The following COL4A2 variants were observed in gnomAD, a reference collection of about 807,000 sequenced individuals.
The protein encoded by COL4A2 is collagen alpha-2(IV) chain.
COL4A2 carries 99 observed loss-of-function variants against 200.2 expected under a neutral mutation model. The ratio of observed to expected loss-of-function variants is 0.49; its 90% confidence interval spans 0.42 to 0.58. COL4A2 has a LOEUF of 0.58. Ranked by LOEUF, COL4A2 falls within the 20% of genes least tolerant of loss-of-function variation. COL4A2 has a pLI of 0.00. For synonymous variants in COL4A2, 897 were observed against 900.6 expected (o/e 1.00, Z 0.07); for missense variants, 1,950 against 2,314.1 (o/e 0.84, Z 3.23).
intron 16 of COL4A2, among the ~76,000 whole-genome samples, chr13:110,442,087 CAAAAAAAAAAA>C (rs10530153): frequency 4.8e-4 from 23 of 47,628 alleles, no homozygotes; most frequent in African/African-American, 5.6e-4. Flanking sequence ...CTCTCTGTCT[CAAAAAAAAAAA>C]AAAAAAAAAA....
intron 7 of COL4A2, among the ~76,000 whole-genome samples, chr13:110,428,830 C>A (rs1433489167): frequency 6.6e-6 from 1 of 152,210 alleles, no homozygotes; most frequent in Non-Finnish European, 1.5e-5. Flanking sequence ...ACTTCATTTT[C>A]TCCCAAATTC....
intron 8 of COL4A2, 164 bp from the exon 9 acceptor site, chr13:110,430,237 C>G: frequency 2.4e-6 from 2 of 835,088 alleles, no homozygotes; most frequent in Non-Finnish European, 3.4e-6. Context: ...TATATTCTGA[C>G]TAAATAACAA....
chr13:110,315,767 G>A (rs541181988), intron 3 of COL4A2, among the ~76,000 whole-genome samples: 22 of 152,260 alleles, frequency 1.4e-4, no homozygotes, highest in Middle Eastern at 3.4e-3. Context: ...CAAGTTCAGG[G>A]CATCTTGCAT....
chr13:110,424,593 T>C lies in COL4A2; in HGVS notation c.181-141T>C, dbSNP rs4771678. The C allele has an allele frequency of 0.72, 372,060 of 514,626 alleles. 135,668 individuals carry two copies. The highest frequency in any genetic ancestry group is 0.83 in the East Asian group (28,519 of 34,512). 31.9% of individuals were successfully genotyped at this position (514,626 alleles called of 1,614,324 possible). On this transcript the variant is annotated intron_variant, in intron 4 of 47. Coordinates refer to ENST00000360467, the MANE Select transcript of COL4A2 (RefSeq NM_001846.4). The stretch of plus-strand genomic sequence containing the variant: ...TTTTGTTAGCTATCATGGCAGTAGA[T>C]GATAGTTTACATATAATGTTCCCTG...
At chr13:110,438,810 C>CCCCCCCACA (rs372770020) in intron 15 of COL4A2, 142 bp downstream of exon 15, 3 of 617,356 alleles carry the variant, frequency 4.9e-6, no homozygotes, top group African/African-American at 2.2e-5. Flanking sequence ...CCACCCCCCC[C>CCCCCCCACA]CACACACACA....
intron 3 of COL4A2, among the ~76,000 whole-genome samples, chr13:110,315,467 C>G (rs1227989460): frequency 6.6e-6 from 1 of 152,200 alleles, no homozygotes; most frequent in East Asian, 1.9e-4. Flanking sequence ...GTGATCTTGG[C>G]TCCCTGCAAC....
chr13:110,493,721 A>C (rs955590480), intron 39 of COL4A2, among the ~76,000 whole-genome samples: 1 of 152,098 alleles, frequency 6.6e-6, no homozygotes, highest in African/African-American at 2.4e-5. Flanking sequence ...AGACAGTGAT[A>C]GCGCTTGGGC....
chr13:110,437,031 C>T (rs1342638237), intron 13 of COL4A2, among the ~76,000 whole-genome samples: 10 of 152,172 alleles, frequency 6.6e-5, no homozygotes, highest in African/African-American at 1.9e-4. Flanking sequence ...AGTACCATGT[C>T]GGGCACGCAG....
intron 4 of COL4A2, among the ~76,000 whole-genome samples, chr13:110,377,478 G>A (rs778999465): frequency 2.0e-5 from 3 of 152,124 alleles, no homozygotes; most frequent in Non-Finnish European, 2.9e-5. Flanking sequence ...CCAGGACCCC[G>A]CACATCCCTG....
At chr13:110,357,346 C>G in intron 3 of COL4A2, 126 bp from the exon 4 acceptor site, 1 of 1,380,082 alleles carries the variant, frequency 7.2e-7, no homozygotes, top group East Asian at 2.6e-5. Flanking sequence ...TTAAAAAAGC[C>G]TTATTGAATG....
intron 27 of COL4A2, among the ~76,000 whole-genome samples, chr13:110,467,918 T>C (rs1276887841): frequency 6.6e-6 from 1 of 152,244 alleles, no homozygotes; most frequent in Admixed American, 6.5e-5. Flanking sequence ...GGGAAGCATG[T>C]CACTTGGGTA....
At chr13:110,399,575 G>A (rs577187204) in intron 4 of COL4A2, among the ~76,000 whole-genome samples, 7 of 152,274 alleles carry the variant, frequency 4.6e-5, no homozygotes, top group African/African-American at 1.7e-4. Flanking sequence ...CTGAGCCTAG[G>A]TCCTGTGAAA....
intron 27 of COL4A2, among the ~76,000 whole-genome samples, chr13:110,468,583 G>A (rs2139507400): frequency 6.6e-6 from 1 of 152,204 alleles, no homozygotes; most frequent in South Asian, 2.1e-4. Context: ...CCCCTTGCTG[G>A]CCTCCCATCC....
chr13:110,400,361 G>C (rs993206382), intron 4 of COL4A2, among the ~76,000 whole-genome samples: 2 of 152,150 alleles, frequency 1.3e-5, no homozygotes, highest in African/African-American at 2.4e-5. Context: ...TTGGTCAGAC[G>C]GAAATGTTCA....
At chr13:110,414,573 C>T (rs1879969517) in intron 4 of COL4A2, among the ~76,000 whole-genome samples, 2 of 152,224 alleles carry the variant, frequency 1.3e-5, no homozygotes, top group African/African-American at 4.8e-5. Flanking sequence ...GTGACTCTCA[C>T]GCTGCCGACC....
intron 4 of COL4A2, among the ~76,000 whole-genome samples, chr13:110,371,511 C>A (rs1392613662): frequency 6.6e-6 from 1 of 152,102 alleles, no homozygotes; most frequent in African/African-American, 2.4e-5. Flanking sequence ...TTATTTTTAG[C>A]ACTTAATCTT....
chr13:110,314,632 C>T (rs963354110), intron 3 of COL4A2, among the ~76,000 whole-genome samples: 5 of 152,238 alleles, frequency 3.3e-5, no homozygotes, highest in Non-Finnish European at 4.4e-5. Context: ...GGGAAGTGGC[C>T]GCTCCGTTGT....
chr13:110,310,504 C>G (rs1884945988), intron 3 of COL4A2, among the ~76,000 whole-genome samples: 1 of 152,280 alleles, frequency 6.6e-6, no homozygotes, highest in East Asian at 1.9e-4. Context: ...TTACTAGGGA[C>G]CTAGTAATAT....
intron 4 of COL4A2, among the ~76,000 whole-genome samples, chr13:110,361,474 C>G (rs1376039833): frequency 6.6e-6 from 1 of 152,328 alleles, no homozygotes; most frequent in East Asian, 1.9e-4. Context: ...ACTCGCCACA[C>G]CCCAGCACTT....
Sources: allele counts gnomAD v4.1 joint callset (sites outside exome capture counted in the v4.1 genomes callset), GRCh38; gene constraint gnomAD v4.1.1; transcripts MANE v1.5; gene names NCBI Gene and HGNC (gene_info 2026-07-23, HGNC 2026-07-21).